Variants in SCP2 observed in about 807,000 individuals in gnomAD.
The protein encoded by SCP2 is sterol carrier protein 2, also known as SCP-2/3-oxoacyl-CoA thiolase.
SCP2 carries 48 observed loss-of-function variants against 71.4 expected under a neutral mutation model. That is an observed-to-expected ratio of 0.67 (90% CI 0.53 to 0.86). The LOEUF (loss-of-function observed/expected upper bound fraction) is 0.86. Ranked by LOEUF, SCP2 falls within the 40% of genes least tolerant of loss-of-function variation. The probability of loss-of-function intolerance (pLI) is 0.00; values close to 1 mark genes in which losing one functional copy is unlikely to be tolerated. For missense variants in SCP2, 560 were observed against 655.6 expected (o/e 0.85, Z 1.59); for synonymous variants, 220 against 218.1 (o/e 1.01, Z -0.08).
chr1:52,930,752 A>G (rs1009283974), intron 1 of SCP2, among the ~76,000 whole-genome samples: 2 of 152,230 alleles, frequency 1.3e-5, no homozygotes, highest in African/African-American at 4.8e-5. Context: ...TATCCATTCA[A>G]TTATCTGACT....
intron 11 of SCP2, among the ~76,000 whole-genome samples, chr1:53,001,155 AG>A (rs1229366557): frequency 6.6e-6 from 1 of 152,154 alleles, no homozygotes; most frequent in African/African-American, 2.4e-5. Flanking sequence ...TACTAGTCTC[AG>A]GAAGTGTATA....
At chr1:52,933,814 A>G (rs1396419105) in intron 1 of SCP2, among the ~76,000 whole-genome samples, 4 of 152,356 alleles carry the variant, frequency 2.6e-5, no homozygotes, top group Middle Eastern at 3.4e-3. Context: ...GACTATTCAT[A>G]ATAATACTAA....
At chr1:53,041,991 C>T (rs961187827) in intron 14 of SCP2, among the ~76,000 whole-genome samples, 5 of 152,010 alleles carry the variant, frequency 3.3e-5, no homozygotes, top group South Asian at 2.1e-4. Flanking sequence ...GCACTGTTAA[C>T]GTGCACGGTT....
chr1:52,997,668 T>A (rs1660032060), intron 11 of SCP2, among the ~76,000 whole-genome samples: 1 of 152,168 alleles, frequency 6.6e-6, no homozygotes, highest in African/African-American at 2.4e-5. Context: ...ATGTGTGGAG[T>A]TTCTTTTTGA....
intron 11 of SCP2, among the ~76,000 whole-genome samples, chr1:53,005,355 C>A (rs1317738116): frequency 2.0e-5 from 3 of 152,328 alleles, no homozygotes; most frequent in East Asian, 1.9e-4. Context: ...AGTAGCCTAA[C>A]TGGGAGACAC....
chr1:52,956,607 G>A (rs1450967333), intron 5 of SCP2, among the ~76,000 whole-genome samples: 1 of 152,124 alleles, frequency 6.6e-6, no homozygotes, highest in Non-Finnish European at 1.5e-5. Context: ...CTAGATGTCA[G>A]GGAAAGCATC....
intron 14 of SCP2, among the ~76,000 whole-genome samples, chr1:53,047,242 G>A (rs12567821): frequency 0.037 from 5,639 of 152,314 alleles, 212 homozygotes; most frequent in East Asian, 0.2. Context: ...GCCAGCAGGA[G>A]AGCAAGAATG....
intron 11 of SCP2, among the ~76,000 whole-genome samples, chr1:52,989,165 G>A (rs149269774): frequency 6.6e-6 from 1 of 151,916 alleles, no homozygotes; most frequent in East Asian, 1.9e-4. Flanking sequence ...TATTATTATT[G>A]TTGCTTTAAA....
chr1:52,933,591 T>C (rs368507895), intron 1 of SCP2, among the ~76,000 whole-genome samples: 2 of 152,246 alleles, frequency 1.3e-5, no homozygotes, highest in East Asian at 3.8e-4. Flanking sequence ...TTGTTTTTCC[T>C]GTATGAACTG....
At chr1:53,026,183 A>G (rs1005079629) in intron 12 of SCP2, among the ~76,000 whole-genome samples, 2 of 152,164 alleles carry the variant, frequency 1.3e-5, no homozygotes, top group African/African-American at 4.8e-5. Context: ...TAATACATTC[A>G]TGTAATTTGT....
chr1:53,025,618 C>T (rs1230315355), intron 12 of SCP2, among the ~76,000 whole-genome samples: 2 of 152,112 alleles, frequency 1.3e-5, no homozygotes, highest in Non-Finnish European at 2.9e-5. Flanking sequence ...CCCTCACCCC[C>T]ACAGCAAGGC....
chr1:52,990,231 T>A (rs909451937), intron 11 of SCP2, among the ~76,000 whole-genome samples: 1 of 151,456 alleles, frequency 6.6e-6, no homozygotes, highest in Non-Finnish European at 1.5e-5. Flanking sequence ...ATTTGATTTT[T>A]AGAGAAGCTA....
intron 12 of SCP2, among the ~76,000 whole-genome samples, chr1:53,016,651 T>C (rs1661361457): frequency 6.6e-6 from 1 of 152,076 alleles, no homozygotes; most frequent in Admixed American, 6.5e-5. Context: ...GTATAGAAAT[T>C]TGAAAATACA....
chr1:52,977,687 G>A (rs1018254570), intron 8 of SCP2, among the ~76,000 whole-genome samples: 3 of 152,192 alleles, frequency 2.0e-5, no homozygotes, highest in East Asian at 1.9e-4. Context: ...GGGGCTGGGC[G>A]TGGTAGCTCA....
At chr1:53,047,409 A>G (rs142587506) in intron 14 of SCP2, among the ~76,000 whole-genome samples, 107 of 152,382 alleles carry the variant, frequency 7.0e-4, no homozygotes, top group African/African-American at 2.3e-3. Context: ...AGAGTCTGTC[A>G]CAGTTACTAT....
At chr1:53,041,142 G>T (rs72903200) in intron 14 of SCP2, among the ~76,000 whole-genome samples, 1 of 152,000 alleles carries the variant, frequency 6.6e-6, no homozygotes, top group Non-Finnish European at 1.5e-5. Flanking sequence ...GGTGGCTCAC[G>T]CCTGTAATCC....
At chr1:52,966,533 TGTAA>T (rs1037401892) in intron 6 of SCP2, among the ~76,000 whole-genome samples, 14 of 151,770 alleles carry the variant, frequency 9.2e-5, no homozygotes, top group East Asian at 7.7e-4. Flanking sequence ...AATCATTATT[TGTAA>T]GTGATATATA....
intron 11 of SCP2, among the ~76,000 whole-genome samples, chr1:53,001,110 G>A (rs1660289063): frequency 6.6e-6 from 1 of 152,082 alleles, no homozygotes; most frequent in Admixed American, 6.5e-5. Context: ...TGCATAGCCA[G>A]ATTTGAGGGC....
At chr1:52,986,115 A>C (rs2150183162) in intron 10 of SCP2, among the ~76,000 whole-genome samples, 1 of 152,274 alleles carries the variant, frequency 6.6e-6, no homozygotes, top group Admixed American at 6.5e-5. Context: ...CAGGTATAAT[A>C]ATTGTTTTCC....
Sources: gnomAD v4.1 joint callset for allele counts (sites outside exome capture counted in the v4.1 genomes callset) on GRCh38, gnomAD v4.1.1 for gene constraint, MANE v1.5 for transcripts, NCBI Gene and HGNC (gene_info 2026-07-23, HGNC 2026-07-21) for gene names.